The following GOLGA4 variants were observed in gnomAD, a reference collection of about 807,000 sequenced individuals.
GOLGA4 encodes golgin subfamily A member 4.
In GOLGA4, 169 loss-of-function variants were observed where a neutral mutation model predicts 265.9. The ratio of observed to expected loss-of-function variants is 0.64; its 90% confidence interval spans 0.56 to 0.72. The LOEUF (loss-of-function observed/expected upper bound fraction) is 0.72. GOLGA4 is among the 30% of genes least tolerant of loss of function. The pLI, the probability that GOLGA4 is intolerant of heterozygous loss-of-function variation, is 0.00. For missense variants in GOLGA4, 2,482 were observed against 2,483.4 expected, an observed-to-expected ratio of 1.00 and a Z score of 0.01; for synonymous variants, 923 against 855.8, an observed-to-expected ratio of 1.08 and a Z score of -1.37.
At chr3:37,346,937 T>G (rs1174879282) in intron 20 of GOLGA4, among the ~76,000 whole-genome samples, 1 of 152,120 alleles carries the variant, frequency 6.6e-6, no homozygotes, top group Non-Finnish European at 1.5e-5. Context: ...ACAATTACAA[T>G]AAAAGGCCAG....
At chr3:37,299,220 A>T in intron 8 of GOLGA4, 68 bp from the exon 9 acceptor site, 1 of 1,077,098 alleles carries the variant, frequency 9.3e-7, no homozygotes, top group Non-Finnish European at 1.4e-6. Flanking sequence ...AATTAGATAA[A>T]TGTTTAGAGT....
At position 37,263,581 on chromosome 3, in the gene GOLGA4, A is replaced by AG. The variant is rs535744143; in HGVS notation, c.162+12097_162+12098insG. Among the ~76,000 whole-genome samples the AG allele has an allele frequency of 7.2e-5, 11 of 152,296 alleles. No individual in the cohort carries two copies. In the East Asian group the frequency reaches 1.9e-3, roughly 27 times the overall value. ...CAAGACTGTATATCCTCCACGTCTCACACTCTCATATATGTATGTGTGTTT... is the reference window on the plus strand; with the variant it reads ...CAAGACTGTATATCCTCCACGTCTCAGCACTCTCATATATGTATGTGTGTTT... On this transcript the variant is annotated intron_variant, in intron 2 of 23. Coordinates refer to ENST00000361924, the MANE Select transcript of GOLGA4 (RefSeq NM_002078.5).
At chr3:37,359,095 GT>G (rs1325133177) in intron 22 of GOLGA4, among the ~76,000 whole-genome samples, 1 of 152,144 alleles carries the variant, frequency 6.6e-6, no homozygotes, top group Non-Finnish European at 1.5e-5. Context: ...ACATATCTCT[GT>G]TTTTCCTAGA....
rs547991408 is a variant in GOLGA4, at chr3:37,337,385, A to T, written c.6327+222A>T. 6.7e-4 allele frequency among the ~76,000 whole-genome samples: 101 copies of T among 151,306 alleles called. No homozygotes were observed. In the Middle Eastern group the frequency reaches 0.021, roughly 31 times the overall value. ...GGCCAATTTTTTTTTTAATTTTTGTATTTTTAGTAGAGATGGGGTTTTGCC... is the reference window on the plus strand; with the variant it reads ...GGCCAATTTTTTTTTTAATTTTTGTTTTTTTAGTAGAGATGGGGTTTTGCC... On this transcript the variant is annotated intron_variant, in intron 18 of 23. Transcript: ENST00000361924.
At chr3:37,310,789 AAC>A (rs2150909550) in intron 10 of GOLGA4, among the ~76,000 whole-genome samples, 1 of 151,970 alleles carries the variant, frequency 6.6e-6, no homozygotes, top group South Asian at 2.1e-4. Context: ...GCTTTGGAAG[AAC>A]ACAGTGTGTT....
intron 2 of GOLGA4, among the ~76,000 whole-genome samples, chr3:37,268,595 T>C (rs2096789837): frequency 6.6e-6 from 1 of 151,926 alleles, no homozygotes; most frequent in Admixed American, 6.6e-5. Context: ...AGAGAGAACT[T>C]TTTTTTTCTT....
At chr3:37,340,059 C>T in intron 19 of GOLGA4, 65 bp from the exon 20 acceptor site, 1 of 706,808 alleles carries the variant, frequency 1.4e-6, no homozygotes, top group East Asian at 2.8e-5. Flanking sequence ...TGACAGCAAT[C>T]TTTCTTTTTC....
intron 21 of GOLGA4, among the ~76,000 whole-genome samples, chr3:37,347,741 C>T (rs1226238205): frequency 6.6e-6 from 1 of 152,104 alleles, no homozygotes; most frequent in Non-Finnish European, 1.5e-5. Context: ...AATCCTTCTG[C>T]ACTTGTGGAA....
intron 18 of GOLGA4, among the ~76,000 whole-genome samples, chr3:37,337,385 A>G (rs547991408): frequency 6.6e-6 from 1 of 151,188 alleles, no homozygotes; most frequent in Non-Finnish European, 1.5e-5. Context: ...TAATTTTTGT[A>G]TTTTTAGTAG....
chr3:37,252,146 G>A lies in GOLGA4; in HGVS notation c.162+662G>A, dbSNP rs113817863. 3.4e-5 allele frequency among the ~76,000 whole-genome samples: 5 copies of A among 147,488 alleles called. 1 individual carries two copies. Among genetic ancestry groups the A allele is most frequent in the African/African-American group, 1.3e-4 (5 of 39,862 alleles). ...ACTCATTATTTCCCACTTTTTTTCTGTGAAGTGTAACACACATACAAAAAG... is the reference window on the plus strand; with the variant it reads ...ACTCATTATTTCCCACTTTTTTTCTATGAAGTGTAACACACATACAAAAAG... On this transcript the variant is annotated intron_variant, in intron 2 of 23. Transcript: ENST00000361924.
Position 37,296,138 on chromosome 3 carries a change from C to T in GOLGA4, c.733C>T (p.Leu245=). The change falls in exon 7 of 24, where the codon CTG becomes TTG. Residue 245 remains leucine (L), a synonymous_variant. Transcript: ENST00000361924. ...AAATGGCCCGATGAATGTTGATGTA[C>T]TGAAACCACTTCCTCAGCTGGAACC... ...LRNGPMNVDV[L]KPLPQLEPQA... is the part of the protein sequence containing the mutation. 2 of 1,613,418 alleles carry T rather than the reference C, an allele frequency of 1.2e-6. No individual in the cohort carries two copies. Among genetic ancestry groups the T allele is most frequent in the Non-Finnish European group, 1.7e-6 (2 of 1,179,354 alleles).
chr3:37,303,652 C>G (rs1027732356), intron 10 of GOLGA4, among the ~76,000 whole-genome samples: 1 of 152,150 alleles, frequency 6.6e-6, no homozygotes, highest in African/African-American at 2.4e-5. Context: ...AGTCATCAGC[C>G]TAGGATCGAA....
chr3:37,244,371 C>G (rs1274851769), intron 1 of GOLGA4, among the ~76,000 whole-genome samples: 2 of 152,172 alleles, frequency 1.3e-5, no homozygotes, highest in Non-Finnish European at 2.9e-5. Context: ...GCTTGTTTTT[C>G]AGGAATGCTG....
At chr3:37,331,393 C>T (rs970667542) in intron 16 of GOLGA4, among the ~76,000 whole-genome samples, 1 of 152,108 alleles carries the variant, frequency 6.6e-6, no homozygotes, top group Non-Finnish European at 1.5e-5. Context: ...AATAGCCAGT[C>T]CCCATCCAGA....
intron 5 of GOLGA4, among the ~76,000 whole-genome samples, chr3:37,292,275 G>C (rs2096866733): frequency 6.6e-6 from 1 of 152,200 alleles, no homozygotes; most frequent in African/African-American, 2.4e-5. Flanking sequence ...TTACCTTCCA[G>C]TTCCTTCCAG....
At chr3:37,268,952 A>G (rs1161088226) in intron 2 of GOLGA4, among the ~76,000 whole-genome samples, 1 of 152,228 alleles carries the variant, frequency 6.6e-6, no homozygotes, top group Non-Finnish European at 1.5e-5. Flanking sequence ...TGAGGGTCTA[A>G]TCCATTACAA....
At chr3:37,357,017 A>G (rs2097092564) in intron 22 of GOLGA4, among the ~76,000 whole-genome samples, 1 of 152,158 alleles carries the variant, frequency 6.6e-6, no homozygotes, top group South Asian at 2.1e-4. Flanking sequence ...GATGAAAAAC[A>G]AATCGAATTG....
intron 7 of GOLGA4, 137 bp downstream of exon 7, chr3:37,296,356 G>A: frequency 6.7e-6 from 5 of 746,394 alleles, no homozygotes; most frequent in Non-Finnish European, 8.6e-6. Flanking sequence ...GACCAGCCTG[G>A]GCAACATAGA....
intron 2 of GOLGA4, among the ~76,000 whole-genome samples, chr3:37,261,365 G>T (rs1039685679): frequency 1.8e-4 from 27 of 152,256 alleles, no homozygotes; most frequent in African/African-American, 6.3e-4. Flanking sequence ...ATTGAGACAT[G>T]TATCTGAGTT....
Sources: allele counts gnomAD v4.1 joint callset (sites outside exome capture counted in the v4.1 genomes callset), GRCh38; gene constraint gnomAD v4.1.1; transcripts MANE v1.5; gene names NCBI Gene and HGNC (gene_info 2026-07-23, HGNC 2026-07-21).